PTPRS: variants seen among roughly 807,000 people sequenced by gnomAD.
The protein encoded by PTPRS is receptor-type tyrosine-protein phosphatase S.
In PTPRS, 63 loss-of-function variants were observed where a neutral mutation model predicts 215.3. That is an observed-to-expected ratio of 0.29 (90% confidence interval 0.24 to 0.36). The LOEUF is 0.36. Among genes scored for constraint, PTPRS ranks in the 10% least tolerant of loss-of-function variants. PTPRS has a pLI of 1.00. For missense variants in PTPRS, 2,258 were observed against 2,825.8 expected, an observed-to-expected ratio of 0.80 and a Z score of 4.56; for synonymous variants, 1,404 against 1,191.4, an observed-to-expected ratio of 1.18 and a Z score of -3.68.
chr19:5,278,179 C>T, intron 2 of PTPRS: 2 of 102,480 alleles, frequency 2.0e-5, no homozygotes, highest in Non-Finnish European at 3.6e-5. Flanking sequence ...AATGTAGAAA[C>T]TGCCAAAAAA....
chr19:5,215,661 G>T (rs984189555), intron 26 of PTPRS, 66 bp from the exon 27 acceptor site: 1 of 1,100,334 alleles, frequency 9.1e-7, no homozygotes, highest in Admixed American at 2.1e-5. Flanking sequence ...CTCGGGGGAG[G>T]GGGGTGATCT....
rs991016821 is a variant in PTPRS, at chr19:5,229,473, C to CCCCGG, written c.2349+13_2349+17dup. 3 of 1,405,496 alleles carry CCCCGG rather than the reference C, an allele frequency of 2.1e-6. No homozygotes were observed. The Admixed American group carries it at 1.1e-4, about 51-fold the overall frequency. 87.1% of individuals were successfully genotyped at this position (1,405,496 alleles called of 1,614,324 possible). A position where few individuals can be genotyped will look rare whatever the true frequency, so the allele number is the denominator to read the frequency against. On this transcript the variant is annotated intron_variant, in intron 15 of 37. Transcript: ENST00000262963. The stretch of plus-strand genomic sequence containing the variant: ...CGCCCGGAGCCCGTCCCCGGCCCCG[C>CCCCGG]CCCGGCCCCCCGCCCACCTGGGCAT...
At chr19:5,299,584 ACTAGTGGCTGG>A (rs1171833097) in intron 1 of PTPRS, among the ~76,000 whole-genome samples, 17 of 152,186 alleles carry the variant, frequency 1.1e-4, no homozygotes, top group African/African-American at 4.1e-4. Context: ...TACAAGAACC[ACTAGTGGCTGG>A]GTGTGGTGGC....
Position 5,216,739 on chromosome 19 carries a change from C to T in PTPRS, c.4077G>A (p.Glu1359=), listed in dbSNP as rs1157304108. The change falls in exon 26 of 38, where the codon GAG becomes GAA. Residue 1359 remains glutamate, a synonymous_variant. Coordinates refer to ENST00000262963, the MANE Select transcript of PTPRS (RefSeq NM_002850.4). ...ACTAACTTTCAAAGTGAAACCCCGGCTCCCTGAGGGGGCTCCTGAGGCCTG... is the reference window on the plus strand; with the variant it reads ...ACTAACTTTCAAAGTGAAACCCCGGTTCCCTGAGGGGGCTCCTGAGGCCTG... ...PDSGLRSPLR[E]PGFHFESMLS... is the part of the protein sequence containing the mutation. 1.3e-6 allele frequency: 2 copies of T among 1,578,390 alleles called. No homozygotes were observed. The highest frequency in any genetic ancestry group is 2.3e-5 in the South Asian group (2 of 85,858).
chr19:5,230,823 CA>C (rs2042951339), intron 14 of PTPRS, among the ~76,000 whole-genome samples: 1 of 152,144 alleles, frequency 6.6e-6, no homozygotes, highest in South Asian at 2.1e-4. Flanking sequence ...AGGCTTCGAC[CA>C]CGTGACTCCA....
intron 17 of PTPRS, among the ~76,000 whole-genome samples, chr19:5,224,463 G>A (rs1007643167): frequency 1.3e-5 from 2 of 152,174 alleles, no homozygotes; most frequent in Non-Finnish European, 2.9e-5. Flanking sequence ...GGGACATAAA[G>A]AAATCCAAAA....
intron 8 of PTPRS, 121 bp from the exon 9 acceptor site, chr19:5,256,240 G>GCT (rs1555782633): frequency 2.2e-5 from 12 of 548,364 alleles, no homozygotes; most frequent in Non-Finnish European, 3.3e-5. Flanking sequence ...ATAGTTTGTT[G>GCT]TTTTTTTTTT....
In PTPRS at chr19:5,340,800, G is replaced by A. The variant is rs1183622841; in HGVS notation, c.-231C>T. 1.3e-5 allele frequency: 2 copies of A among 149,098 alleles called. No individual in the cohort carries two copies. The highest frequency in any genetic ancestry group is 3.0e-5 in the Non-Finnish European group (2 of 66,978). The allele number at this position is 149,098 out of a possible 1,614,324, so 9.2% of individuals were successfully genotyped here. A position where few individuals can be genotyped will look rare whatever the true frequency, so the allele number is the denominator to read the frequency against. On this transcript the variant is annotated 5_prime_UTR_variant, in exon 1 of 38. Coordinates refer to ENST00000262963, the MANE Select transcript of PTPRS (RefSeq NM_002850.4). ...GGCCGGGCTGCCGGGCGGGCGGCGCGAGGACACTCACTGCGGCTCGCGCTC... is the reference window on the plus strand; with the variant it reads ...GGCCGGGCTGCCGGGCGGGCGGCGCAAGGACACTCACTGCGGCTCGCGCTC...
chr19:5,334,658 C>T (rs915628935), intron 1 of PTPRS, among the ~76,000 whole-genome samples: 1 of 152,190 alleles, frequency 6.6e-6, no homozygotes, highest in African/African-American at 2.4e-5. Flanking sequence ...ATTCAGGTGG[C>T]CCCCGCAGCA....
chr19:5,242,434 T>C (rs1281476205), intron 11 of PTPRS, among the ~76,000 whole-genome samples: 2 of 151,756 alleles, frequency 1.3e-5, no homozygotes, highest in South Asian at 2.1e-4. Flanking sequence ...TGGAGGGCAG[T>C]GGTGACATTT....
intron 27 of PTPRS, 39 bp from the exon 28 acceptor site, chr19:5,215,451 G>A: frequency 6.2e-7 from 1 of 1,610,072 alleles, no homozygotes; most frequent in East Asian, 2.2e-5. Context: ...CAGGGTAGGT[G>A]CCTGTGAGGC....
At position 5,340,337 on chromosome 19, in the gene PTPRS, T is replaced by G. The variant is rs1473280647; in HGVS notation, c.-95+327A>C. On this transcript the variant is annotated intron_variant, in intron 1 of 37. Transcript: ENST00000262963. Reference sequence around the variant, plus strand: ...CCCGGGGTGGTGCAGCCGGCGGCGCTGGGCAGCTTCCAATGCCGCGCTCTG... The same window carrying G: ...CCCGGGGTGGTGCAGCCGGCGGCGCGGGGCAGCTTCCAATGCCGCGCTCTG... Among the ~76,000 whole-genome samples, 3 of 150,884 alleles carry G rather than the reference T, an allele frequency of 2.0e-5. No homozygotes were observed. The East Asian group carries it at 6.0e-4, about 30-fold the overall frequency.
intron 1 of PTPRS, among the ~76,000 whole-genome samples, chr19:5,305,938 T>TAAAAAAA (rs2049475840): frequency 2.9e-4 from 1 of 3,494 alleles, no homozygotes; most frequent in Non-Finnish European, 3.8e-4. Flanking sequence ...AGACTCCGTC[T>TAAAAAAA]CAAAAAAAAA....
At position 5,223,158 on chromosome 19, in the gene PTPRS, C is replaced by T; in HGVS notation, c.2634G>A (p.Leu878=). Residue 878 remains leucine (L), a synonymous_variant, in exon 18 of 38, where the codon CTG becomes CTA. Transcript: ENST00000262963. ...LQFGREDSTP[L]ATLEFPPSED... is the part of the protein sequence containing the mutation. ...CGGAGGGCGGGAACTCCAGGGTGGCCAGGGGCGTCGAGTCCTCACGGCCAA... is the reference window on the plus strand; with the variant it reads ...CGGAGGGCGGGAACTCCAGGGTGGCTAGGGGCGTCGAGTCCTCACGGCCAA... 1 of 1,570,096 alleles carries T rather than the reference C, an allele frequency of 6.4e-7. No homozygotes were observed.
rs758162296 is a variant in PTPRS, at chr19:5,215,429, G to A, written c.4195-17C>T. On this transcript the variant is annotated splice_polypyrimidine_tract_variant and intron_variant, in intron 27 of 37. Coordinates refer to ENST00000262963, the MANE Select transcript of PTPRS (RefSeq NM_002850.4). ...GTCGATGGACTACAGAGGAAGGGGA[G>A]AGCGCGGGTGTCAGGGTAGGTGCCT... 5 of 1,612,296 alleles carry A rather than the reference G, an allele frequency of 3.1e-6. No individual in the cohort carries two copies. Among genetic ancestry groups the A allele is most frequent in the Non-Finnish European group, 4.2e-6 (5 of 1,178,930 alleles).
chr19:5,212,426 C>T lies in PTPRS; in HGVS notation c.4680G>A (p.Val1560=), dbSNP rs1218523713. ...FQFTAWPDHG[V]PEYPTPFLAF... is the part of the protein sequence containing the mutation. ...CCAGGAAGGGCGTTGGGTATTCGGG[C>T]ACGCCATGGTCCGGCCACGCCGTAA... Residue 1560 remains valine (V), a synonymous_variant, in exon 31 of 38, where the codon GTG becomes GTA. Transcript: ENST00000262963. 6.2e-7 allele frequency: 1 copy of T among 1,602,270 alleles called. No homozygotes were observed. Among genetic ancestry groups the T allele is most frequent in the South Asian group, 1.1e-5 (1 of 89,508 alleles).
At chr19:5,219,284 C>G in intron 23 of PTPRS, 26 bp downstream of exon 23, 1 of 1,613,300 alleles carries the variant, frequency 6.2e-7, no homozygotes, top group Non-Finnish European at 8.5e-7. Flanking sequence ...GCTGTCAAGT[C>G]AAGTCGGGGA....
chr19:5,337,730 G>A (rs540413247), intron 1 of PTPRS, among the ~76,000 whole-genome samples: 1 of 152,148 alleles, frequency 6.6e-6, no homozygotes, highest in Non-Finnish European at 1.5e-5. Context: ...TCCCCACCCA[G>A]ATGCTACCAC....
At chr19:5,212,602 G>C (rs2041012014) in intron 30 of PTPRS, 111 bp from the exon 31 acceptor site, 4 of 1,311,356 alleles carry the variant, frequency 3.1e-6, no homozygotes, top group Non-Finnish European at 4.2e-6. Context: ...CCAGCACTTT[G>C]GGAGGCCGAG....
Sources: gnomAD v4.1 joint callset for allele counts (sites outside exome capture counted in the v4.1 genomes callset) on GRCh38, gnomAD v4.1.1 for gene constraint, MANE v1.5 for transcripts, NCBI Gene and HGNC (gene_info 2026-07-23, HGNC 2026-07-21) for gene names.